Variants in ZNF385B observed in about 807,000 individuals in gnomAD.
ZNF385B encodes the protein zinc finger protein 385B.
A neutral mutation model predicts 39.2 loss-of-function variants in ZNF385B; 23 were observed. That is an observed-to-expected ratio of 0.59 (90% CI 0.42 to 0.83). ZNF385B has a LOEUF of 0.83. Among genes scored for constraint, ZNF385B ranks in the 40% least tolerant of loss-of-function variants. ZNF385B has a pLI of 0.00. For missense variants in ZNF385B, 552 were observed against 598.9 expected (o/e 0.92, Z 0.82); for synonymous variants, 205 against 222.6 (o/e 0.92, Z 0.70).
At chr2:179,512,961 G>C (rs940345075) in intron 5 of ZNF385B, among the ~76,000 whole-genome samples, 6 of 152,238 alleles carry the variant, frequency 3.9e-5, no homozygotes, top group East Asian at 1.9e-4. Flanking sequence ...TAGACAAAGG[G>C]GGGTACAGGA....
intron 4 of ZNF385B, chr2:179,523,014 C>T: frequency 6.9e-6 from 2 of 287,822 alleles, no homozygotes. Flanking sequence ...CCTTGCTTTT[C>T]TTTGAGTAAA....
At chr2:179,747,582 T>A (rs1486134359) in intron 3 of ZNF385B, among the ~76,000 whole-genome samples, 1 of 152,142 alleles carries the variant, frequency 6.6e-6, no homozygotes, top group East Asian at 1.9e-4. Context: ...ATAGGAATAG[T>A]TCATGAGAGA....
At chr2:179,688,564 T>C (rs950657865) in intron 3 of ZNF385B, among the ~76,000 whole-genome samples, 9 of 152,032 alleles carry the variant, frequency 5.9e-5, no homozygotes, top group Non-Finnish European at 1.5e-5. Flanking sequence ...TGTTGAACTA[T>C]CTCCTTTGAG....
intron 5 of ZNF385B, among the ~76,000 whole-genome samples, chr2:179,514,796 T>A (rs1024037109): frequency 3.4e-4 from 43 of 124,980 alleles, no homozygotes; most frequent in Admixed American, 1.0e-3. Context: ...TTTTTTTTTT[T>A]AGATGGAATT....
At chr2:179,457,785 T>TTGTCAGATA (rs1474178735) in intron 6 of ZNF385B, among the ~76,000 whole-genome samples, 1 of 152,178 alleles carries the variant, frequency 6.6e-6, no homozygotes, top group Non-Finnish European at 1.5e-5. Context: ...CAGGAGTCCT[T>TTGTCAGATA]TGTCAGATAT....
intron 1 of ZNF385B, among the ~76,000 whole-genome samples, chr2:179,828,755 T>C (rs1707815415): frequency 6.6e-6 from 1 of 152,186 alleles, no homozygotes; most frequent in African/African-American, 2.4e-5. Context: ...ACTGTATTTC[T>C]GAAAATATTT....
At chr2:179,657,540 A>G (rs1693931143) in intron 3 of ZNF385B, among the ~76,000 whole-genome samples, 1 of 152,246 alleles carries the variant, frequency 6.6e-6, no homozygotes, top group Non-Finnish European at 1.5e-5. Flanking sequence ...AAGTAATTAT[A>G]GCTCACAACT....
chr2:179,617,694 C>T (rs1689868008), intron 3 of ZNF385B, among the ~76,000 whole-genome samples: 1 of 152,078 alleles, frequency 6.6e-6, no homozygotes, highest in African/African-American at 2.4e-5. Context: ...AGTTCAGGGA[C>T]ATCAATTTGA....
chr2:179,848,657 T>C (rs1056333971), intron 1 of ZNF385B, among the ~76,000 whole-genome samples: 2 of 152,208 alleles, frequency 1.3e-5, no homozygotes, highest in Non-Finnish European at 2.9e-5. Flanking sequence ...CTCAGTAACA[T>C]TTGTGTCTTC....
At chr2:179,671,561 T>G (rs931142687) in intron 3 of ZNF385B, among the ~76,000 whole-genome samples, 1 of 152,086 alleles carries the variant, frequency 6.6e-6, no homozygotes, top group Non-Finnish European at 1.5e-5. Context: ...CTAAAACAAA[T>G]GACTCCAAAA....
At chr2:179,544,716 A>T in intron 4 of ZNF385B, 111 bp downstream of exon 4, 1 of 1,353,506 alleles carries the variant, frequency 7.4e-7, no homozygotes, top group East Asian at 2.3e-5. Context: ...CATAACCAAT[A>T]TATGGTCTAA....
chr2:179,613,051 G>A lies in ZNF385B; in HGVS notation c.299-68082C>T, dbSNP rs1016975432. Among the ~76,000 whole-genome samples, 3 of 152,302 alleles carry A rather than the reference G, an allele frequency of 2.0e-5. No homozygotes were observed. In the East Asian group the frequency reaches 5.8e-4, roughly 29 times the overall value. On this transcript the variant is annotated intron_variant, in intron 3 of 9. Coordinates refer to ENST00000410066, the MANE Select transcript of ZNF385B (RefSeq NM_152520.6). ...CCACAACAAGTATCGGCTGGCTACT[G>A]CCAATGTTCACTCAAATCTTAAGAG...
intron 3 of ZNF385B, among the ~76,000 whole-genome samples, chr2:179,631,247 G>A (rs542731698): frequency 2.0e-5 from 3 of 152,244 alleles, no homozygotes; most frequent in African/African-American, 7.2e-5. Context: ...AATGAAGGAA[G>A]AAGTGTTAAG....
chr2:179,741,909 A>T (rs1289541527), intron 3 of ZNF385B, among the ~76,000 whole-genome samples: 1 of 152,080 alleles, frequency 6.6e-6, no homozygotes, highest in Non-Finnish European at 1.5e-5. Flanking sequence ...ATATTTAAAT[A>T]AAGGCCAGAT....
intron 1 of ZNF385B, among the ~76,000 whole-genome samples, chr2:179,858,004 G>A (rs1234650989): frequency 1.3e-5 from 2 of 152,154 alleles, no homozygotes; most frequent in East Asian, 1.9e-4. Flanking sequence ...ACTAGCCAGT[G>A]ATTAAGCTTG....
intron 4 of ZNF385B, among the ~76,000 whole-genome samples, chr2:179,537,044 C>T (rs567549215): frequency 1.2e-4 from 18 of 150,992 alleles, no homozygotes; most frequent in African/African-American, 4.1e-4. Flanking sequence ...GGATAGGTGG[C>T]TCATGCCTGC....
Position 179,490,316 on chromosome 2 carries a change from A to AACACAC in ZNF385B, c.553-6888_553-6883dup, listed in dbSNP as rs143318849. 3.7e-4 allele frequency among the ~76,000 whole-genome samples: 56 copies of AACACAC among 150,078 alleles called. 1 individual carries two copies. Among genetic ancestry groups the AACACAC allele is most frequent in the African/African-American group, 1.1e-3 (43 of 40,948 alleles). On this transcript the variant is annotated intron_variant, in intron 5 of 9. Transcript: ENST00000410066. Reference sequence around the variant, plus strand: ...TGAATATATGAGCATTACACACACAAACACACACACACACACACACACATA... The same window carrying AACACAC: ...TGAATATATGAGCATTACACACACAAACACACACACACACACACACACACACACATA...
At chr2:179,618,956 T>C (rs1689984415) in intron 3 of ZNF385B, among the ~76,000 whole-genome samples, 1 of 152,186 alleles carries the variant, frequency 6.6e-6, no homozygotes, top group Non-Finnish European at 1.5e-5. Flanking sequence ...GCTTCAATTT[T>C]TGCTTCAGTG....
chr2:179,697,106 G>A (rs1457140583), intron 3 of ZNF385B, among the ~76,000 whole-genome samples: 3 of 152,142 alleles, frequency 2.0e-5, no homozygotes, highest in African/African-American at 7.2e-5. Flanking sequence ...CCCACCCCTT[G>A]AAGTCTGATT....
Sources: gnomAD v4.1 joint callset for allele counts (sites outside exome capture counted in the v4.1 genomes callset) on GRCh38, gnomAD v4.1.1 for gene constraint, MANE v1.5 for transcripts, NCBI Gene and HGNC (gene_info 2026-07-23, HGNC 2026-07-21) for gene names.